MAD1L1: variants seen among roughly 807,000 people sequenced by gnomAD.
The protein encoded by MAD1L1 is mitotic arrest deficient 1 like 1, also known as mitotic spindle assembly checkpoint protein MAD1.
Under a neutral mutation model 96.9 loss-of-function variants are expected in MAD1L1, and 95 were observed. The ratio of observed to expected loss-of-function variants is 0.98; its 90% CI spans 0.83 to 1.16. MAD1L1 has a LOEUF of 1.16. Ranked by LOEUF, MAD1L1 falls within the 50% of genes most tolerant of loss-of-function variation. The pLI is 0.00. For synonymous variants in MAD1L1, 473 were observed against 396.6 expected (o/e 1.19, Z -2.29); for missense variants, 1,007 against 954.4 (o/e 1.06, Z -0.73).
chr7:1,856,602 A>G (rs1341310085), intron 18 of MAD1L1, among the ~76,000 whole-genome samples: 1 of 152,188 alleles, frequency 6.6e-6, no homozygotes, highest in Non-Finnish European at 1.5e-5. Flanking sequence ...GTGAGCAGAG[A>G]TAAGATTCAT....
intron 18 of MAD1L1, among the ~76,000 whole-genome samples, chr7:1,889,273 G>A (rs1175606754): frequency 6.6e-6 from 1 of 152,240 alleles, no homozygotes; most frequent in Non-Finnish European, 1.5e-5. Context: ...GACTAGCAGT[G>A]ACACCGCCAA....
At chr7:1,937,331 G>A (rs902232751) in intron 16 of MAD1L1, among the ~76,000 whole-genome samples, 4 of 152,188 alleles carry the variant, frequency 2.6e-5, no homozygotes, top group Non-Finnish European at 4.4e-5. Flanking sequence ...GGTGCCCCGT[G>A]CCACAAGAGA....
Position 1,900,147 on chromosome 7 carries a change from C to A in MAD1L1, c.1808-1757G>T, listed in dbSNP as rs1041874591. 8.5e-5 allele frequency among the ~76,000 whole-genome samples: 13 copies of A among 152,372 alleles called. 3 individuals are homozygous for A. On this transcript the variant is annotated intron_variant, in intron 17 of 18. Transcript: ENST00000265854. ...CCCGTTCCGAGTGCAAGCTCACTCA[C>A]TGCCTGGCTATGACAGCTATGAACA...
At chr7:2,079,140 G>T (rs947973384) in intron 11 of MAD1L1, among the ~76,000 whole-genome samples, 3 of 152,220 alleles carry the variant, frequency 2.0e-5, no homozygotes, top group Non-Finnish European at 4.4e-5. Context: ...CATGAGGTTG[G>T]GGCCGGGCAG....
intron 12 of MAD1L1, among the ~76,000 whole-genome samples, chr7:2,031,792 C>T (rs758442360): frequency 4.6e-5 from 7 of 152,252 alleles, no homozygotes; most frequent in Non-Finnish European, 4.4e-5. Context: ...GGCCCTGTGC[C>T]GCATGGCTCT....
At chr7:1,855,958 C>T (rs940458985) in intron 18 of MAD1L1, among the ~76,000 whole-genome samples, 3 of 152,160 alleles carry the variant, frequency 2.0e-5, no homozygotes, top group Non-Finnish European at 2.9e-5. Context: ...GAAGTGGGAA[C>T]TCAAGGCGCC....
chr7:1,850,722 G>A (rs903036045), intron 18 of MAD1L1, among the ~76,000 whole-genome samples: 4 of 152,158 alleles, frequency 2.6e-5, no homozygotes, highest in Non-Finnish European at 5.9e-5. Context: ...ATCAGGCACC[G>A]CACTATCCAC....
At chr7:2,029,535 A>T (rs1450796606) in intron 12 of MAD1L1, among the ~76,000 whole-genome samples, 3 of 152,098 alleles carry the variant, frequency 2.0e-5, no homozygotes, top group African/African-American at 7.2e-5. Flanking sequence ...CACTTTCTGT[A>T]TGTCTGTTAT....
chr7:2,229,355 G>T (rs1794079322), intron 3 of MAD1L1, among the ~76,000 whole-genome samples: 1 of 152,230 alleles, frequency 6.6e-6, no homozygotes, highest in African/African-American at 2.4e-5. Flanking sequence ...CCCCAACTGG[G>T]ACTGGGCTCA....
At chr7:1,948,327 C>A (rs1462984407) in intron 16 of MAD1L1, among the ~76,000 whole-genome samples, 3 of 152,052 alleles carry the variant, frequency 2.0e-5, no homozygotes, top group Non-Finnish European at 1.5e-5. Context: ...ACCCCCTCCA[C>A]CCCCCAGTGA....
intron 11 of MAD1L1, among the ~76,000 whole-genome samples, chr7:2,115,497 G>A (rs1787632718): frequency 6.8e-6 from 1 of 147,470 alleles, no homozygotes; most frequent in African/African-American, 2.5e-5. Context: ...CGTGTTCCGG[G>A]GTCAGAGGAG....
In MAD1L1 at chr7:2,022,650, TA is replaced by T. The variant is rs906139473; in HGVS notation, c.1219-8009del. On this transcript the variant is annotated intron_variant, in intron 12 of 18. Transcript: ENST00000265854. ...CAAAGCAGATAAAGAAAAGAAGATT[TA>T]AAAAAAACAAAGAACAAGTGTCCCA... is the stretch of plus-strand genomic sequence containing the variant. 4.0e-5 allele frequency among the ~76,000 whole-genome samples: 6 copies of T among 151,652 alleles called. No individual in the cohort carries two copies. In the South Asian group the frequency reaches 6.3e-4, roughly 16 times the overall value.
chr7:1,948,567 G>A (rs1779339904), intron 16 of MAD1L1, among the ~76,000 whole-genome samples: 3 of 152,216 alleles, frequency 2.0e-5, no homozygotes, highest in Admixed American at 1.3e-4. Flanking sequence ...AGCTCCACGT[G>A]AAAGGCCAGG....
At chr7:2,216,938 G>T (rs1793313433) in intron 7 of MAD1L1, among the ~76,000 whole-genome samples, 1 of 152,168 alleles carries the variant, frequency 6.6e-6, no homozygotes, top group South Asian at 2.1e-4. Context: ...CTCCAGGGCA[G>T]CTCTTCCCAG....
intron 17 of MAD1L1, among the ~76,000 whole-genome samples, chr7:1,899,467 C>T (rs891904951): frequency 7.2e-5 from 11 of 152,160 alleles, no homozygotes; most frequent in Non-Finnish European, 1.3e-4. Flanking sequence ...TCCACTATGA[C>T]GAGGGACTGA....
intron 11 of MAD1L1, among the ~76,000 whole-genome samples, chr7:2,102,544 G>A (rs1161071926): frequency 2.6e-5 from 4 of 151,108 alleles, no homozygotes; most frequent in South Asian, 4.2e-4. Context: ...CACCACCACC[G>A]TCACCATCAC....
chr7:2,073,001 G>A (rs752244885), intron 11 of MAD1L1, among the ~76,000 whole-genome samples: 7 of 152,226 alleles, frequency 4.6e-5, no homozygotes, highest in Admixed American at 6.5e-5. Context: ...TTGAGGACCA[G>A]GGCTCAGTGC....
intron 12 of MAD1L1, among the ~76,000 whole-genome samples, chr7:2,068,001 G>A (rs1784957808): frequency 6.6e-6 from 1 of 152,254 alleles, no homozygotes; most frequent in Admixed American, 6.5e-5. Flanking sequence ...CGGTGTGGAA[G>A]AGAAGGGAAC....
At position 2,119,320 on chromosome 7, in the gene MAD1L1, G is replaced by A. The variant is rs957437620; in HGVS notation, c.1073+29832C>T. On this transcript the variant is annotated intron_variant, in intron 11 of 18. Transcript: ENST00000265854. This position sits in a 1 kb window ranked among gnomAD's most constrained non-coding sequence, Gnocchi z 4.6. ...CTCCCAGGCCATGGCTCTCCGCAGC[G>A]CCTTCCCTATCGCATCTCCATCACC... 7.2e-5 allele frequency among the ~76,000 whole-genome samples: 11 copies of A among 152,116 alleles called. No individual in the cohort carries two copies. Among genetic ancestry groups the A allele is most frequent in the Non-Finnish European group, 1.2e-4 (8 of 68,032 alleles).
Sources: allele counts gnomAD v4.1 joint callset (sites outside exome capture counted in the v4.1 genomes callset), GRCh38; gene constraint gnomAD v4.1.1; non-coding constraint Gnocchi (gnomAD v3.1); transcripts MANE v1.5; gene names NCBI Gene and HGNC (gene_info 2026-07-23, HGNC 2026-07-21).